The following CHCHD3 variants were observed in gnomAD, a reference collection of about 807,000 sequenced individuals.
The protein encoded by CHCHD3 is MICOS complex subunit MIC19.
In CHCHD3, 20 loss-of-function variants were observed where a neutral mutation model predicts 38.2. The ratio of observed to expected loss-of-function variants is 0.52; its 90% CI spans 0.37 to 0.76. The LOEUF (loss-of-function observed/expected upper bound fraction) is 0.76, where lower values mean the gene tolerates loss of function less well. CHCHD3 is among the 30% of genes least tolerant of loss of function. CHCHD3 has a pLI of 0.00. For synonymous variants in CHCHD3, 82 were observed against 100.0 expected (o/e 0.82, Z 1.07); for missense variants, 245 against 279.2 (o/e 0.88, Z 0.87).
chr7:133,016,406 T>C (rs1210301722), intron 3 of CHCHD3, among the ~76,000 whole-genome samples: 1 of 152,214 alleles, frequency 6.6e-6, no homozygotes, highest in Admixed American at 6.5e-5. Flanking sequence ...TATGTATGTG[T>C]CTGTATAAAA....
intron 4 of CHCHD3, among the ~76,000 whole-genome samples, chr7:132,939,851 T>C (rs1309748344): frequency 1.3e-5 from 2 of 152,242 alleles, no homozygotes; most frequent in Non-Finnish European, 2.9e-5. Context: ...CAATTTCTTC[T>C]GTGATTCAAA....
intron 3 of CHCHD3, among the ~76,000 whole-genome samples, chr7:132,985,963 G>A (rs1812107826): frequency 6.6e-6 from 1 of 152,026 alleles, no homozygotes; most frequent in African/African-American, 2.4e-5. Context: ...GAATAGAAAG[G>A]GGGAGAAGGT....
rs986084926 is a variant in CHCHD3 at position 132,790,743 on chromosome 7, T to C, written c.661-5083A>G. On this transcript the variant is annotated intron_variant, in intron 7 of 7. Transcript: ENST00000262570. Reference sequence around the variant, plus strand: ...TCGTGCTCTCTGAAAGTGGCCACCGTGTACATCGGGGGGACCCTGATGTGG... The same window carrying C: ...TCGTGCTCTCTGAAAGTGGCCACCGCGTACATCGGGGGGACCCTGATGTGG... 1.2e-4 allele frequency among the ~76,000 whole-genome samples: 19 copies of C among 152,116 alleles called. 1 individual carries two copies. Among genetic ancestry groups the C allele is most frequent in the Admixed American group, 1.0e-3 (16 of 15,270 alleles).
intron 6 of CHCHD3, among the ~76,000 whole-genome samples, chr7:132,833,961 A>C (rs951443278): frequency 1.3e-5 from 2 of 152,162 alleles, no homozygotes; most frequent in African/African-American, 4.8e-5. Context: ...TCCTACTTTC[A>C]TCAGATACAA....
chr7:132,861,658 G>A (rs1808493531), intron 5 of CHCHD3, among the ~76,000 whole-genome samples: 2 of 152,124 alleles, frequency 1.3e-5, no homozygotes, highest in African/African-American at 2.4e-5. Context: ...TGGGTCACAT[G>A]GTCTCTGTCA....
chr7:133,026,091 G>A (rs1269386610), intron 2 of CHCHD3, among the ~76,000 whole-genome samples: 2 of 152,084 alleles, frequency 1.3e-5, no homozygotes, highest in African/African-American at 4.8e-5. Flanking sequence ...CTCAGAATGG[G>A]AGAAAATATC....
chr7:132,794,225 G>C (rs1333763231), intron 7 of CHCHD3, among the ~76,000 whole-genome samples: 1 of 152,092 alleles, frequency 6.6e-6, no homozygotes. Context: ...CTGCATTAGT[G>C]GATGATGGAT....
chr7:133,048,144 A>C (rs199731112), intron 2 of CHCHD3, among the ~76,000 whole-genome samples: 2 of 151,046 alleles, frequency 1.3e-5, no homozygotes, highest in South Asian at 4.2e-4. Context: ...GGTTAAATAA[A>C]AAAAAAAAAA....
At chr7:132,820,625 T>G (rs940917045) in intron 6 of CHCHD3, among the ~76,000 whole-genome samples, 18 of 150,612 alleles carry the variant, frequency 1.2e-4, no homozygotes, top group Middle Eastern at 3.4e-3. Context: ...TTTTTTTTTT[T>G]TTTTTTTTTT....
chr7:133,022,197 C>T (rs1813197564), intron 3 of CHCHD3, among the ~76,000 whole-genome samples: 1 of 152,128 alleles, frequency 6.6e-6, no homozygotes. Context: ...AAGTCCTTCT[C>T]GAACAAGTTT....
At chr7:133,073,051 A>G (rs1294228235) in intron 1 of CHCHD3, among the ~76,000 whole-genome samples, 2 of 152,190 alleles carry the variant, frequency 1.3e-5, no homozygotes, top group Non-Finnish European at 2.9e-5. Context: ...ATTCTCTGGT[A>G]GAAGTCACCA....
chr7:132,903,533 C>T (rs891583817), intron 4 of CHCHD3, among the ~76,000 whole-genome samples: 1 of 152,170 alleles, frequency 6.6e-6, no homozygotes, highest in Admixed American at 6.5e-5. Flanking sequence ...CACAGAATTT[C>T]TGACTCTTCC....
intron 1 of CHCHD3, among the ~76,000 whole-genome samples, chr7:133,077,316 G>A (rs1584691339): frequency 6.6e-6 from 1 of 152,156 alleles, no homozygotes; most frequent in African/African-American, 2.4e-5. Context: ...GACCGAATTT[G>A]TAGTCTCTGA....
chr7:132,809,838 T>G (rs553307940), intron 6 of CHCHD3, among the ~76,000 whole-genome samples: 21 of 152,316 alleles, frequency 1.4e-4, no homozygotes, highest in Middle Eastern at 3.4e-3. Context: ...ATAAGGGCAC[T>G]ATCTACAGCA....
chr7:132,816,747 G>A (rs114020709), intron 6 of CHCHD3, among the ~76,000 whole-genome samples: 1,543 of 152,256 alleles, frequency 0.01, 28 homozygotes, highest in African/African-American at 0.035. Context: ...GCAAGAAGAG[G>A]CTATTAGATG....
chr7:133,015,321 C>G (rs780810334), intron 3 of CHCHD3, among the ~76,000 whole-genome samples: 27 of 149,866 alleles, frequency 1.8e-4, no homozygotes, highest in Non-Finnish European at 3.5e-4. Context: ...CCAACCTGGG[C>G]GACAGAGCCA....
At position 132,898,146 on chromosome 7, in the gene CHCHD3, T is replaced by C. The variant is rs1159271906; in HGVS notation, c.370-12401A>G. On this transcript the variant is annotated intron_variant, in intron 4 of 7. Transcript: ENST00000262570. The stretch of plus-strand genomic sequence containing the variant: ...AGTGTTACAGCTCATAAAGGCAGTG[T>C]GGACCCAAAGAGTGAGCAGTAGCAA... 1.3e-5 allele frequency among the ~76,000 whole-genome samples: 2 copies of C among 152,140 alleles called. 1 individual carries two copies. Among genetic ancestry groups the C allele is most frequent in the East Asian group, 3.9e-4 (2 of 5,180 alleles).
chr7:132,934,985 G>A (rs550918389), intron 4 of CHCHD3, among the ~76,000 whole-genome samples: 1 of 152,250 alleles, frequency 6.6e-6, no homozygotes, highest in South Asian at 2.1e-4. Context: ...AACATGCCTG[G>A]AATAAAAGAG....
intron 1 of CHCHD3, among the ~76,000 whole-genome samples, chr7:133,076,661 C>G (rs553254658): frequency 6.6e-6 from 1 of 152,274 alleles, no homozygotes; most frequent in Admixed American, 6.5e-5. Context: ...TTGGTCTTAT[C>G]CAAAATCCGT....
Sources: gnomAD v4.1 joint callset for allele counts (sites outside exome capture counted in the v4.1 genomes callset) on GRCh38, gnomAD v4.1.1 for gene constraint, MANE v1.5 for transcripts, NCBI Gene and HGNC (gene_info 2026-07-23, HGNC 2026-07-21) for gene names.